The following DGKZ variants were observed in gnomAD, a reference collection of about 807,000 sequenced individuals.
DGKZ encodes the protein DAG kinase zeta.
Under a neutral mutation model 142.5 loss-of-function variants are expected in DGKZ, and 45 were observed. The observed-to-expected ratio is 0.32, with a 90% CI of 0.25 to 0.40. The LOEUF (loss-of-function observed/expected upper bound fraction) is 0.40. Among genes scored for constraint, DGKZ ranks in the 10% least tolerant of loss-of-function variants. The probability of loss-of-function intolerance (pLI) is 1.00; values close to 1 mark genes in which losing one functional copy is unlikely to be tolerated. For synonymous variants in DGKZ, 442 were observed against 527.0 expected, an observed-to-expected ratio of 0.84 and a Z score of 2.21; for missense variants, 755 against 1,306.5, an observed-to-expected ratio of 0.58 and a Z score of 6.51.
chr11:46,337,099 G>A (rs752536744), intron 1 of DGKZ, among the ~76,000 whole-genome samples: 27 of 151,978 alleles, frequency 1.8e-4, no homozygotes, highest in Non-Finnish European at 2.9e-4. Flanking sequence ...CACTCTCAGC[G>A]TAAATGATCA....
At chr11:46,366,724 C>A (rs1275514723) in intron 1 of DGKZ, 1 of 1,554,490 alleles carries the variant, frequency 6.4e-7, no homozygotes, top group Non-Finnish European at 8.7e-7. Flanking sequence ...TGCCCCTACC[C>A]CGCTACCTGC....
At chr11:46,347,266 G>T (rs943829392), upstream of DGKZ, 2 of 973,148 alleles carry the variant, frequency 2.1e-6, no homozygotes, top group Non-Finnish European at 2.4e-6. This position sits in a 1 kb window ranked among gnomAD's most constrained non-coding sequence, Gnocchi z 6.4. Context: ...GGGCCGGGCC[G>T]GGCTGGGGGC....
chr11:46,379,502 G>C, exon 30 of DGKZ: 1 of 1,611,406 alleles, frequency 6.2e-7, no homozygotes, highest in Non-Finnish European at 8.5e-7. Context: ...CAGCGGCCCT[G>C]GGCCAGCGCA....
rs908875619 is a variant in DGKZ at position 46,369,932 on chromosome 11, C to G, written c.502-9C>G. Reference sequence around the variant, plus strand: ...CTCACCCAGTGAAATTTTTCCCCTTCTCCCCCAGCCAACCTTTGTACGGCA... The same window carrying G: ...CTCACCCAGTGAAATTTTTCCCCTTGTCCCCCAGCCAACCTTTGTACGGCA... On this transcript the variant is annotated splice_polypyrimidine_tract_variant and intron_variant, in intron 5 of 30. Coordinates refer to ENST00000527911, the Ensembl canonical transcript of DGKZ. The G allele has an allele frequency of 5.6e-6, 9 of 1,613,790 alleles. No homozygotes were observed. Among genetic ancestry groups the G allele is most frequent in the Non-Finnish European group, 7.6e-6 (9 of 1,180,026 alleles).
upstream of DGKZ, chr11:46,345,612 G>A (rs752079899): frequency 2.7e-6 from 4 of 1,485,074 alleles, no homozygotes; most frequent in Non-Finnish European, 3.6e-6. The surrounding 1 kb of genome is among the most constrained non-coding windows in gnomAD (Gnocchi z 4.1). Flanking sequence ...GCCTGGGAGT[G>A]GGCATGGGAC....
chr11:46,371,211 G>A lies in DGKZ; in HGVS notation c.571-102G>A, dbSNP rs186733621. On this transcript the variant is annotated intron_variant, in intron 6 of 30. Transcript: ENST00000527911. ...GTTTGAGACCAGCCTGGGCAACATA[G>A]CGAGGCCCTGTCTCTGGGTGGAGAG... The A allele has an allele frequency of 2.6e-3, 3,023 of 1,145,050 alleles. 6 individuals are homozygous for A. Among genetic ancestry groups the A allele is most frequent in the Non-Finnish European group, 3.6e-3 (2,766 of 777,912 alleles). The allele number at this position is 1,145,050 out of a possible 1,614,324, so 70.9% of individuals were successfully genotyped here.
rs1188279304 is a variant in DGKZ, at chr11:46,366,572, G to T, written c.162-719G>T. 9 of 1,605,692 alleles carry T rather than the reference G, an allele frequency of 5.6e-6. No individual in the cohort carries two copies. The South Asian group carries it at 1.0e-4, about 18-fold the overall frequency. On this transcript the variant is annotated intron_variant, in intron 1 of 30. Transcript: ENST00000527911. Reference sequence around the variant, plus strand: ...CACCGTGGGGGCCCAGCTTCTGGGTGCACCCCTGCTGTTGACCGGGCTTGT... The same window carrying T: ...CACCGTGGGGGCCCAGCTTCTGGGTTCACCCCTGCTGTTGACCGGGCTTGT...
rs771722909 is a variant in DGKZ, at chr11:46,372,196, A to G, written c.927+26A>G. The stretch of plus-strand genomic sequence containing the variant: ...GTGAACGCGGCCTTGCCTCTCAGCT[A>G]AGGGCTCGGGCGGGGGTTGGGGTCC... On this transcript the variant is annotated intron_variant, in intron 10 of 30. Coordinates refer to ENST00000527911, the Ensembl canonical transcript of DGKZ. This position sits in a 1 kb window ranked among gnomAD's most constrained non-coding sequence, Gnocchi z 5.9. The G allele has an allele frequency of 1.3e-5, 21 of 1,573,246 alleles. No homozygotes were observed. In the Middle Eastern group the frequency reaches 1.3e-3, roughly 101 times the overall value.
intron 1 of DGKZ, chr11:46,366,678 C>T (rs1414108196): frequency 6.3e-7 from 1 of 1,581,842 alleles, no homozygotes; most frequent in Non-Finnish European, 8.6e-7. Context: ...ACCAAGACAC[C>T]AGGGCCACCC....
chr11:46,378,371 G>A (rs767033446), intron 26 of DGKZ, 86 bp from the exon 27 acceptor site: 20 of 1,546,452 alleles, frequency 1.3e-5, no homozygotes, highest in Non-Finnish European at 1.7e-5. Context: ...GGGCACACAT[G>A]CCTGGCCGGC....
At chr11:46,376,082 T>C (rs1325496263) in exon 22 of DGKZ, 1 of 1,611,826 alleles carries the variant, frequency 6.2e-7, no homozygotes, top group Non-Finnish European at 8.5e-7. Context: ...CGCTGGGCAC[T>C]GTGGTGGTCC....
Position 46,375,981 on chromosome 11 carries a change from G to A in DGKZ, c.2011+30G>A, listed in dbSNP as rs755446992. On this transcript the variant is annotated intron_variant, in intron 21 of 30. Coordinates refer to ENST00000527911, the Ensembl canonical transcript of DGKZ. ...GTGCGGTGGGGCGGCCTGGCAGGGT[G>A]GCCAGGAGGGGCTGAAGCAGCCGGG... is the stretch of plus-strand genomic sequence containing the variant. 16 of 1,611,508 alleles carry A rather than the reference G, an allele frequency of 9.9e-6. No individual in the cohort carries two copies. The African/African-American group carries it at 2.0e-4, about 20-fold the overall frequency.
chr11:46,379,433 C>G lies in DGKZ; in HGVS notation c.2574-21C>G, dbSNP rs572261721. The G allele has an allele frequency of 4.6e-5, 73 of 1,593,886 alleles. No individual in the cohort carries two copies. In the South Asian group the frequency reaches 7.7e-4, roughly 17 times the overall value. ...GGAGACAGATGGGTGGATCAGGGGACGGGATGGGGTACACAGCCAGCCCCT... is the reference window on the plus strand; with the variant it reads ...GGAGACAGATGGGTGGATCAGGGGAGGGGATGGGGTACACAGCCAGCCCCT... On this transcript the variant is annotated intron_variant, in intron 29 of 30. Coordinates refer to ENST00000527911, the Ensembl canonical transcript of DGKZ.
upstream of DGKZ, among the ~76,000 whole-genome samples, chr11:46,344,126 T>C (rs1386869441): frequency 6.6e-6 from 1 of 152,118 alleles, no homozygotes; most frequent in Non-Finnish European, 1.5e-5. Context: ...GTTTTTGTAC[T>C]TTTAGTAGAC....
intron 1 of DGKZ, among the ~76,000 whole-genome samples, chr11:46,340,313 C>T (rs1382819451): frequency 6.6e-6 from 1 of 152,156 alleles, no homozygotes; most frequent in Non-Finnish European, 1.5e-5. Context: ...TATGACCCTA[C>T]AGATGTGAGT....
chr11:46,336,806 G>T (rs1590367944), intron 1 of DGKZ, among the ~76,000 whole-genome samples: 1 of 152,148 alleles, frequency 6.6e-6, no homozygotes, highest in East Asian at 1.9e-4. Context: ...GCCCATCTTG[G>T]CCTCCCAAAG....
chr11:46,377,048 C>A (rs2136510980), intron 24 of DGKZ, 25 bp from the exon 25 acceptor site: 1 of 1,609,434 alleles, frequency 6.2e-7, no homozygotes, highest in African/African-American at 1.3e-5. Context: ...GTGCCCTGAC[C>A]TCCCGCCCTG....
At chr11:46,348,261 C>T (rs1410165523) in intron 1 of DGKZ, among the ~76,000 whole-genome samples, 1 of 152,194 alleles carries the variant, frequency 6.6e-6, no homozygotes. Flanking sequence ...GATCACACCG[C>T]CCTTTGGACT....
intron 26 of DGKZ, 52 bp from the exon 27 acceptor site, chr11:46,378,405 A>C (rs374018594): frequency 6.4e-7 from 1 of 1,560,370 alleles, no homozygotes; most frequent in African/African-American, 1.4e-5. Flanking sequence ...CTGAGGCACC[A>C]ACCCAAGCCC....
Sources: allele counts gnomAD v4.1 joint callset (sites outside exome capture counted in the v4.1 genomes callset), GRCh38; gene constraint gnomAD v4.1.1; non-coding constraint Gnocchi (gnomAD v3.1); transcripts MANE v1.5; gene names NCBI Gene and HGNC (gene_info 2026-07-23, HGNC 2026-07-21).